The following LRP8 variants were observed in gnomAD, a reference collection of about 807,000 sequenced individuals.
LRP8 encodes LDL receptor related protein 8, also known as low-density lipoprotein receptor-related protein 8.
A neutral mutation model predicts 111.6 loss-of-function variants in LRP8; 46 were observed. The ratio of observed to expected loss-of-function variants is 0.41; its 90% CI spans 0.33 to 0.53. The LOEUF is 0.53. Among genes scored for constraint, LRP8 ranks in the 20% least tolerant of loss-of-function variants. The probability of loss-of-function intolerance (pLI) is 0.20; values close to 1 mark genes in which losing one functional copy is unlikely to be tolerated. For synonymous variants in LRP8, 464 were observed against 511.2 expected (o/e 0.91, Z 1.24); for missense variants, 959 against 1,297.4 (o/e 0.74, Z 4.01).
intron 4 of LRP8, among the ~76,000 whole-genome samples, chr1:53,278,947 G>A (rs1342776956): frequency 6.7e-6 from 1 of 148,398 alleles, no homozygotes; most frequent in East Asian, 2.0e-4. Flanking sequence ...TTTTAGTAGA[G>A]GTGGGGTTTC....
chr1:53,276,419 G>A (rs1187524647), intron 5 of LRP8, among the ~76,000 whole-genome samples: 2 of 151,556 alleles, frequency 1.3e-5, no homozygotes, highest in Non-Finnish European at 2.9e-5. Context: ...GGAGGGGTTC[G>A]GGGGATGGGG....
intron 3 of LRP8, among the ~76,000 whole-genome samples, chr1:53,285,245 A>G (rs561529685): frequency 6.6e-6 from 1 of 152,182 alleles, no homozygotes; most frequent in African/African-American, 2.4e-5. Flanking sequence ...GCACCTAACC[A>G]CTGCACAAGA....
chr1:53,321,721 A>G (rs1431111117), intron 2 of LRP8, among the ~76,000 whole-genome samples: 1 of 152,040 alleles, frequency 6.6e-6, no homozygotes, highest in African/African-American at 2.4e-5. Flanking sequence ...CCCAAGGGAA[A>G]GTCTTCAGCA....
Position 53,327,941 on chromosome 1 carries a change from C to G in LRP8, c.-29G>C. The G allele has an allele frequency of 8.9e-7, 1 of 1,123,452 alleles. No individual in the cohort carries two copies. The highest frequency in any genetic ancestry group is 1.1e-6 in the Non-Finnish European group (1 of 921,298). The allele number at this position is 1,123,452 out of a possible 1,614,324, so 69.6% of individuals were successfully genotyped here. A position where few individuals can be genotyped will look rare whatever the true frequency, so the allele number is the denominator to read the frequency against. ...GGGCCCGGGGCTCCGGCCGCCGCGC[C>G]CCGCGCTCCCCGCGCCGCCGCCGCC... is the stretch of plus-strand genomic sequence containing the variant. On this transcript the variant is annotated 5_prime_UTR_variant, in exon 1 of 19. Coordinates refer to ENST00000306052, the MANE Select transcript of LRP8 (RefSeq NM_004631.5).
Position 53,264,335 on chromosome 1 carries a change from G to A in LRP8, c.1489C>T (p.His497Tyr). The change falls in exon 10 of 19, where the codon CAC (histidine) becomes TAC (tyrosine). Residue 497 changes from histidine (H) to tyrosine (Y), a missense_variant. Transcript: ENST00000306052. ...TCCACTGCCAGGCCCTCTGGAGAGT[G>A]CAACTGCTCGTCAATGAGGACCTCC... ...EQEVLIDEQL[H>Y]SPEGLAVDWV... 2 of 1,614,120 alleles carry A rather than the reference G, an allele frequency of 1.2e-6. No homozygotes were observed. The highest frequency in any genetic ancestry group is 8.5e-7 in the Non-Finnish European group (1 of 1,180,004).
At chr1:53,327,757 G>A (rs896813245) in intron 1 of LRP8, 32 bp downstream of exon 1, 2 of 1,481,536 alleles carry the variant, frequency 1.3e-6, no homozygotes, top group Non-Finnish European at 1.8e-6. Flanking sequence ...CTAGGGCGGA[G>A]CAGAGCCGAG....
intron 3 of LRP8, among the ~76,000 whole-genome samples, chr1:53,281,176 G>A (rs1238478594): frequency 6.6e-6 from 1 of 152,146 alleles, no homozygotes; most frequent in East Asian, 1.9e-4. Flanking sequence ...AAATTTGGAG[G>A]GCTCACCAAG....
In LRP8 at chr1:53,262,462, G is replaced by C. The variant is rs1234112332; in HGVS notation, c.1758C>G (p.Pro586=). 6.2e-7 allele frequency: 1 copy of C among 1,613,984 alleles called. No individual in the cohort carries two copies. Among genetic ancestry groups the C allele is most frequent in the Non-Finnish European group, 8.5e-7 (1 of 1,180,018 alleles). The part of the protein sequence containing the change: ...QTLVSDNIEW[P]NGITLDLLSQ... The stretch of plus-strand genomic sequence containing the variant: ...AGGGCTCACCCAGGGTGATTCCGTT[G>C]GGCCATTCAATATTGTCTGACACCA... Residue 586 remains proline (P), a synonymous_variant, in exon 11 of 19, where the codon CCC becomes CCG. Coordinates refer to ENST00000306052, the MANE Select transcript of LRP8 (RefSeq NM_004631.5). This position sits in a 1 kb window ranked among gnomAD's most constrained non-coding sequence, Gnocchi z 4.8.
At chr1:53,305,095 T>C (rs1651689970) in intron 2 of LRP8, 2 of 152,210 alleles carry the variant, frequency 1.3e-5, no homozygotes, top group African/African-American at 4.8e-5. Flanking sequence ...AAGTGAACCT[T>C]CCTCCCAGAA....
At chr1:53,327,191 G>A in intron 1 of LRP8, 199 bp from the exon 2 acceptor site, 2 of 648,350 alleles carry the variant, frequency 3.1e-6, no homozygotes, top group Non-Finnish European at 5.2e-6. Flanking sequence ...TCGGTGGCAC[G>A]GCGAGACCAG....
At chr1:53,308,324 G>T (rs936209127) in intron 2 of LRP8, among the ~76,000 whole-genome samples, 1 of 152,196 alleles carries the variant, frequency 6.6e-6, no homozygotes, top group African/African-American at 2.4e-5. Context: ...AGTATGCTCC[G>T]AGCAGGCCAG....
intron 8 of LRP8, among the ~76,000 whole-genome samples, chr1:53,269,751 A>G (rs902520182): frequency 6.6e-6 from 1 of 152,130 alleles, no homozygotes; most frequent in Non-Finnish European, 1.5e-5. Context: ...CCTTATCGCC[A>G]TCTGCCATGC....
chr1:53,289,574 G>A lies in LRP8; in HGVS notation c.360C>T (p.Ala120=), dbSNP rs762261865. Residue 120 remains alanine (A), a synonymous_variant, in exon 3 of 19, where the codon GCC becomes GCT. Transcript: ENST00000306052. ...ECPDGSDESE[A]TCTKQVCPAE... ...CTGAGGGGCAGGACTCACTGCAAGT[G>A]GCCTCGGACTCATCGGAGCCATCAG... 1.2e-6 allele frequency: 2 copies of A among 1,601,454 alleles called. No individual in the cohort carries two copies. The highest frequency in any genetic ancestry group is 1.1e-5 in the South Asian group (1 of 88,620).
rs1484324112 is a variant in LRP8 at position 53,276,546 on chromosome 1, C to T, written c.883+146G>A. The T allele has an allele frequency of 7.0e-6, 4 of 573,552 alleles. No individual in the cohort carries two copies. The East Asian group carries it at 2.0e-4, about 29-fold the overall frequency. The allele number at this position is 573,552 out of a possible 1,614,324, so 35.5% of individuals were successfully genotyped here. A position where few individuals can be genotyped will look rare whatever the true frequency, so the allele number is the denominator to read the frequency against. On this transcript the variant is annotated intron_variant, in intron 5 of 18. Coordinates refer to ENST00000306052, the MANE Select transcript of LRP8 (RefSeq NM_004631.5). Reference sequence around the variant, plus strand: ...GCGTGAATTCAAATAAGTCACCTCACTTCTCCCAGCCTCGGTCTCCTCTGT... The same window carrying T: ...GCGTGAATTCAAATAAGTCACCTCATTTCTCCCAGCCTCGGTCTCCTCTGT...
intron 2 of LRP8, among the ~76,000 whole-genome samples, chr1:53,311,869 A>G (rs1213130612): frequency 6.6e-6 from 1 of 152,206 alleles, no homozygotes; most frequent in Non-Finnish European, 1.5e-5. Context: ...CCATCTGTAC[A>G]ATGGGTGGAG....
At chr1:53,286,119 A>C (rs1647510399) in intron 3 of LRP8, among the ~76,000 whole-genome samples, 1 of 152,228 alleles carries the variant, frequency 6.6e-6, no homozygotes, top group Non-Finnish European at 1.5e-5. Flanking sequence ...CGTGAGTTTC[A>C]GGGGCAGATA....
chr1:53,258,161 C>G (rs1041195125), intron 14 of LRP8, 158 bp downstream of exon 14: 12 of 617,840 alleles, frequency 1.9e-5, no homozygotes, highest in Non-Finnish European at 2.9e-5. Flanking sequence ...CATGAGCATT[C>G]AAGGAAGGTA....
intron 3 of LRP8, chr1:53,287,890 G>A (rs972688760): frequency 1.2e-4 from 19 of 152,810 alleles, no homozygotes; most frequent in African/African-American, 3.6e-4. Flanking sequence ...GAGCAGGGAA[G>A]GGAGGCAGCC....
In LRP8 at chr1:53,294,890, G is replaced by A. The variant is rs1234927681; in HGVS notation, c.245-5201C>T. ...ACGCATCGTGGAGCCCCGGTGCAGAGAGAAGGCTCCAAAATAAAGATTAGT... is the reference window on the plus strand; with the variant it reads ...ACGCATCGTGGAGCCCCGGTGCAGAAAGAAGGCTCCAAAATAAAGATTAGT... On this transcript the variant is annotated intron_variant, in intron 2 of 18. Transcript: ENST00000306052. This position sits in a 1 kb window ranked among gnomAD's most constrained non-coding sequence, Gnocchi z 4.1. 2.6e-5 allele frequency among the ~76,000 whole-genome samples: 4 copies of A among 152,236 alleles called. No individual in the cohort carries two copies. The highest frequency in any genetic ancestry group is 9.6e-5 in the African/African-American group (4 of 41,456).
Sources: gnomAD v4.1 joint callset for allele counts (sites outside exome capture counted in the v4.1 genomes callset) on GRCh38, gnomAD v4.1.1 for gene constraint, Gnocchi (gnomAD v3.1) non-coding constraint, MANE v1.5 for transcripts, NCBI Gene and HGNC (gene_info 2026-07-23, HGNC 2026-07-21) for gene names.